The following PARD3B variants were observed in gnomAD, a reference collection of about 807,000 sequenced individuals.
The protein encoded by PARD3B is par-3 family cell polarity regulator beta, also known as partitioning defective 3 homolog B.
A neutral mutation model predicts 130.2 loss-of-function variants in PARD3B; 103 were observed. The observed-to-expected ratio is 0.79, with a 90% CI of 0.67 to 0.93. The LOEUF is 0.93. Ranked by LOEUF, PARD3B falls within the 40% of genes least tolerant of loss-of-function variation. The pLI is 0.00. For synonymous variants in PARD3B, 583 were observed against 553.2 expected, an observed-to-expected ratio of 1.05 and a Z score of -0.76; for missense variants, 1,609 against 1,499.2, an observed-to-expected ratio of 1.07 and a Z score of -1.21.
At chr2:204,564,639 T>C (rs1559158966) in intron 1 of PARD3B, among the ~76,000 whole-genome samples, 1 of 151,914 alleles carries the variant, frequency 6.6e-6, no homozygotes, top group Non-Finnish European at 1.5e-5. Context: ...CAAAAAAAAA[T>C]GTGGTGAGAA....
chr2:204,629,003 T>C (rs1559194315), intron 1 of PARD3B, among the ~76,000 whole-genome samples: 1 of 152,210 alleles, frequency 6.6e-6, no homozygotes, highest in African/African-American at 2.4e-5. Flanking sequence ...ATACATGTTA[T>C]TTGGAAGAGC....
intron 2 of PARD3B, among the ~76,000 whole-genome samples, chr2:204,802,382 C>G (rs2042602799): frequency 1.3e-5 from 2 of 152,190 alleles, no homozygotes; most frequent in Admixed American, 1.3e-4. Flanking sequence ...AACGCTTTTA[C>G]ACTGTTGGTG....
intron 4 of PARD3B, among the ~76,000 whole-genome samples, chr2:205,049,470 C>T (rs1456819613): frequency 3.3e-5 from 5 of 152,166 alleles, no homozygotes; most frequent in African/African-American, 1.2e-4. Context: ...CCTCCCCCAA[C>T]ATGTGGGGAT....
At chr2:204,742,098 G>A (rs1176156540) in intron 2 of PARD3B, among the ~76,000 whole-genome samples, 1 of 152,124 alleles carries the variant, frequency 6.6e-6, no homozygotes, top group Non-Finnish European at 1.5e-5. Context: ...TGCAGGCTAA[G>A]TTTTAGAACC....
Position 205,616,409 on chromosome 2 carries a change from A to G in PARD3B, c.*596A>G, listed in dbSNP as rs1417767199. 1 of 152,250 alleles carries G rather than the reference A, an allele frequency of 6.6e-6. No individual in the cohort carries two copies. The highest frequency in any genetic ancestry group is 1.5e-5 in the Non-Finnish European group (1 of 68,074). 9.4% of individuals were successfully genotyped at this position (152,250 alleles called of 1,614,324 possible). On this transcript the variant is annotated 3_prime_UTR_variant, in exon 23 of 23. Coordinates refer to ENST00000406610, the MANE Select transcript of PARD3B (RefSeq NM_001302769.2). ...TATTTTGTACCGAGAGAAAGACTGC[A>G]TTTATTTGTAGAATTTATCAGGTTT...
chr2:205,504,658 A>G (rs937329560), intron 21 of PARD3B, among the ~76,000 whole-genome samples: 1 of 152,260 alleles, frequency 6.6e-6, no homozygotes, highest in African/African-American at 2.4e-5. Context: ...ATCACTTGCC[A>G]TCAGAGAAAT....
intron 2 of PARD3B, among the ~76,000 whole-genome samples, chr2:204,773,689 T>G (rs977505716): frequency 1.3e-5 from 2 of 152,228 alleles, no homozygotes; most frequent in Middle Eastern, 6.8e-3. Context: ...TATATTCTTA[T>G]AATCTCTACT....
intron 5 of PARD3B, among the ~76,000 whole-genome samples, chr2:205,111,699 C>G (rs758548820): frequency 1.3e-5 from 2 of 152,028 alleles, no homozygotes; most frequent in Non-Finnish European, 2.9e-5. Context: ...TGGATGCTAT[C>G]TCTCAGCATG....
rs886671588 is a variant in PARD3B, at chr2:205,265,728, G to A, written c.2185+19906G>A. The stretch of plus-strand genomic sequence containing the variant: ...TAATATTCAGTGCTCTTTTTAACAC[G>A]ATATTTATTAGGTGCAAGTTACATG... On this transcript the variant is annotated intron_variant, in intron 16 of 22. Transcript: ENST00000406610. The surrounding 1 kb of genome is among the most constrained non-coding windows in gnomAD (Gnocchi z 4.3). Among the ~76,000 whole-genome samples the A allele has an allele frequency of 6.6e-6, 1 of 151,896 alleles. No individual in the cohort carries two copies. The highest frequency in any genetic ancestry group is 2.4e-5 in the African/African-American group (1 of 41,386).
At chr2:205,095,753 G>A (rs1218993763) in intron 4 of PARD3B, among the ~76,000 whole-genome samples, 2 of 151,968 alleles carry the variant, frequency 1.3e-5, no homozygotes, top group African/African-American at 2.4e-5. Flanking sequence ...CCAAAAATAA[G>A]CGATAAAACC....
In PARD3B at chr2:205,341,771, A is replaced by C. The variant is rs1208022972; in HGVS notation, c.2630+40070A>C. ...AAATGATGCATGTTTGAAATGATGG[A>C]TATGCTAATTACCCTGATTTTGTCA... On this transcript the variant is annotated intron_variant, in intron 18 of 22. Coordinates refer to ENST00000406610, the MANE Select transcript of PARD3B (RefSeq NM_001302769.2). The surrounding 1 kb of genome is among the most constrained non-coding windows in gnomAD (Gnocchi z 4.3). Among the ~76,000 whole-genome samples, 1 of 152,158 alleles carries C rather than the reference A, an allele frequency of 6.6e-6. No homozygotes were observed. Among genetic ancestry groups the C allele is most frequent in the African/African-American group, 2.4e-5 (1 of 41,462 alleles).
chr2:205,022,665 T>C (rs1467240169), intron 3 of PARD3B, among the ~76,000 whole-genome samples: 1 of 152,234 alleles, frequency 6.6e-6, no homozygotes, highest in African/African-American at 2.4e-5. Flanking sequence ...GCCAGTGTTT[T>C]GCCTGCAGCT....
chr2:205,209,296 G>C (rs998256352), intron 15 of PARD3B, among the ~76,000 whole-genome samples: 1 of 151,158 alleles, frequency 6.6e-6, no homozygotes, highest in Non-Finnish European at 1.5e-5. Flanking sequence ...TTACCATTCA[G>C]GACATAGGCA....
chr2:205,191,075 G>GAAAAAAAAA (rs5837960), intron 14 of PARD3B, among the ~76,000 whole-genome samples: 2 of 97,730 alleles, frequency 2.0e-5, no homozygotes, highest in African/African-American at 7.1e-5. Context: ...GAAAGAAATA[G>GAAAAAAAAA]AAAAAAAAAA....
chr2:205,083,837 C>T (rs1701583355), intron 4 of PARD3B, among the ~76,000 whole-genome samples: 2 of 151,726 alleles, frequency 1.3e-5, no homozygotes, highest in African/African-American at 2.4e-5. Context: ...TATAATGAAC[C>T]TCCATGTACC....
chr2:204,838,954 C>G (rs1432174095), intron 2 of PARD3B, among the ~76,000 whole-genome samples: 3 of 152,114 alleles, frequency 2.0e-5, no homozygotes, highest in Non-Finnish European at 4.4e-5. Flanking sequence ...CTAGGGTATC[C>G]TCTGTTCACT....
At chr2:204,626,792 T>TC (rs2125134302) in intron 1 of PARD3B, among the ~76,000 whole-genome samples, 1 of 152,236 alleles carries the variant, frequency 6.6e-6, no homozygotes, top group South Asian at 2.1e-4. Context: ...AGATTTATTT[T>TC]CCCCCAACAT....
chr2:205,177,848 C>T (rs1182582127), intron 13 of PARD3B, among the ~76,000 whole-genome samples: 2 of 152,082 alleles, frequency 1.3e-5, no homozygotes, highest in African/African-American at 4.8e-5. Flanking sequence ...TCTAGAAAGT[C>T]AGTAAATAAT....
intron 1 of PARD3B, among the ~76,000 whole-genome samples, chr2:204,626,408 C>T (rs1183305865): frequency 6.6e-6 from 1 of 152,124 alleles, no homozygotes; most frequent in African/African-American, 2.4e-5. Context: ...GCTGCTTTCA[C>T]ATTCATCTGC....
Sources: allele counts gnomAD v4.1 joint callset (sites outside exome capture counted in the v4.1 genomes callset), GRCh38; gene constraint gnomAD v4.1.1; non-coding constraint Gnocchi (gnomAD v3.1); transcripts MANE v1.5; gene names NCBI Gene and HGNC (gene_info 2026-07-23, HGNC 2026-07-21).